Variants in GRIK2 observed in about 807,000 individuals in gnomAD.
GRIK2 encodes glutamate receptor ionotropic, kainate 2.
Under a neutral mutation model 100.3 loss-of-function variants are expected in GRIK2, and 32 were observed. The observed-to-expected ratio is 0.32, with a 90% CI of 0.24 to 0.43. GRIK2 has a LOEUF of 0.43. Ranked by LOEUF, GRIK2 falls within the 20% of genes least tolerant of loss-of-function variation. The pLI, the probability that GRIK2 is intolerant of heterozygous loss-of-function variation, is 1.00. For synonymous variants in GRIK2, 417 were observed against 389.4 expected (o/e 1.07, Z -0.83); for missense variants, 843 against 1,114.9 (o/e 0.76, Z 3.47).
At chr6:101,512,794 T>C (rs1180685324) in intron 2 of GRIK2, among the ~76,000 whole-genome samples, 1 of 152,098 alleles carries the variant, frequency 6.6e-6, no homozygotes, top group Admixed American at 6.6e-5. Flanking sequence ...AGAATCATTA[T>C]ATTTTAAATG....
In GRIK2 at chr6:101,910,435, G is replaced by C. The variant is rs549507542; in HGVS notation, c.1749-14166G>C. 2.6e-5 allele frequency among the ~76,000 whole-genome samples: 4 copies of C among 151,104 alleles called. No individual in the cohort carries two copies. In the South Asian group the frequency reaches 8.3e-4, roughly 31 times the overall value. ...GCTTTGGCCATAAGTAATAACATAA[G>C]AAAAAATATATTCTTCCATTCTTAA... On this transcript the variant is annotated intron_variant, in intron 12 of 16. Coordinates refer to ENST00000369134, the MANE Select transcript of GRIK2 (RefSeq NM_021956.5).
At chr6:101,601,653 G>T (rs1293584703) in intron 2 of GRIK2, among the ~76,000 whole-genome samples, 2 of 151,870 alleles carry the variant, frequency 1.3e-5, no homozygotes, top group African/African-American at 4.8e-5. Flanking sequence ...TCCTGATTCA[G>T]TCTTGGGAGG....
Position 101,690,375 on chromosome 6 carries a change from C to T in GRIK2, c.951+4022C>T, listed in dbSNP as rs187410587. On this transcript the variant is annotated intron_variant, in intron 7 of 16. Coordinates refer to ENST00000369134, the MANE Select transcript of GRIK2 (RefSeq NM_021956.5). ...AGAAGTTTAAACCCTGGACACCAAC[C>T]GCTATCTCCATTTCCTTTCACCTCA... 1.3e-3 allele frequency among the ~76,000 whole-genome samples: 201 copies of T among 152,136 alleles called. 1 individual carries two copies. Among genetic ancestry groups the T allele is most frequent in the African/African-American group, 4.6e-3 (193 of 41,526 alleles).
intron 7 of GRIK2, among the ~76,000 whole-genome samples, chr6:101,714,174 G>A (rs17062381): frequency 0.074 from 11,246 of 151,662 alleles, 1,359 homozygotes; most frequent in African/African-American, 0.26. Flanking sequence ...GATCAAGCAC[G>A]TTAGCATTTG....
chr6:101,395,691 A>ATTG (rs141279783), intron 1 of GRIK2, among the ~76,000 whole-genome samples: 5,163 of 152,212 alleles, frequency 0.034, 88 homozygotes, highest in Non-Finnish European at 0.045. Context: ...TTTTTTTGTT[A>ATTG]TTGTTGGAAG....
intron 14 of GRIK2, among the ~76,000 whole-genome samples, chr6:101,941,931 C>G (rs1790979414): frequency 6.6e-6 from 1 of 151,938 alleles, no homozygotes; most frequent in African/African-American, 2.4e-5. Flanking sequence ...CCTCAAATGA[C>G]TCCCAGATTT....
chr6:101,523,720 C>CTTTTTTTTTTTTTTTT (rs1163558120), intron 2 of GRIK2, among the ~76,000 whole-genome samples: 33 of 121,526 alleles, frequency 2.7e-4, no homozygotes, highest in African/African-American at 3.6e-4. Flanking sequence ...ACTCCTAAGT[C>CTTTTTTTTTTTTTTTT]TTTTTTTTTT....
At chr6:102,009,662 C>A (rs970838625) in intron 14 of GRIK2, among the ~76,000 whole-genome samples, 4 of 152,138 alleles carry the variant, frequency 2.6e-5, no homozygotes, top group African/African-American at 9.6e-5. Context: ...GTTTCCTTAT[C>A]AAACTAATGA....
At chr6:101,443,785 A>G (rs916976482) in intron 2 of GRIK2, among the ~76,000 whole-genome samples, 6 of 151,998 alleles carry the variant, frequency 3.9e-5, no homozygotes. Context: ...ACCGGAAAAC[A>G]TTTGCCCTAT....
At position 101,399,259 on chromosome 6, in the gene GRIK2, G is replaced by C. The variant is rs745318930; in HGVS notation, c.-19G>C. 1.7e-6 allele frequency: 2 copies of C among 1,193,106 alleles called. No homozygotes were observed. Among genetic ancestry groups the C allele is most frequent in the Non-Finnish European group, 2.5e-6 (2 of 795,152 alleles). 73.9% of individuals were successfully genotyped at this position (1,193,106 alleles called of 1,614,324 possible). On this transcript the variant is annotated 5_prime_UTR_variant, in exon 2 of 17. Transcript: ENST00000369134. ...TAGATCGGGGAAGTGGGTGCCGTGC[G>C]TGTGGGCACAGAAACACCATGAAGA...
At chr6:101,774,853 A>AGG (rs1427528462) in intron 7 of GRIK2, among the ~76,000 whole-genome samples, 1 of 139,948 alleles carries the variant, frequency 7.1e-6, no homozygotes, top group Admixed American at 7.0e-5. Context: ...GTACATTTAA[A>AGG]AGATATATAT....
At position 102,036,260 on chromosome 6, in the gene GRIK2, C is replaced by CAT. The variant is rs749145990; in HGVS notation, c.2311+704_2311+705dup. ...ACACACACACACACACACACACACA[C>CAT]ATATATATATAAAACATTACAGTAC... On this transcript the variant is annotated intron_variant, in intron 15 of 16. Transcript: ENST00000369134. Among the ~76,000 whole-genome samples, 610 of 149,508 alleles carry CAT rather than the reference C, an allele frequency of 4.1e-3. 7 individuals carry two copies. The highest frequency in any genetic ancestry group is 4.8e-3 in the Non-Finnish European group (322 of 67,080).
chr6:102,044,028 A>G (rs1338601798), intron 15 of GRIK2, among the ~76,000 whole-genome samples: 1 of 152,018 alleles, frequency 6.6e-6, no homozygotes, highest in Non-Finnish European at 1.5e-5. Context: ...AGTCTCAGGT[A>G]TATCTTTATC....
intron 2 of GRIK2, among the ~76,000 whole-genome samples, chr6:101,480,529 G>A (rs1200600978): frequency 6.6e-6 from 1 of 151,750 alleles, no homozygotes; most frequent in Non-Finnish European, 1.5e-5. Context: ...CTGTTGCTTT[G>A]TTGCTTTGGC....
At chr6:101,902,165 T>C (rs1787893005) in intron 12 of GRIK2, among the ~76,000 whole-genome samples, 1 of 151,958 alleles carries the variant, frequency 6.6e-6, no homozygotes, top group Admixed American at 6.6e-5. Flanking sequence ...AATATCAAAC[T>C]ACCAATGGGA....
At chr6:101,709,932 G>T (rs75664263) in intron 7 of GRIK2, among the ~76,000 whole-genome samples, 1 of 151,700 alleles carries the variant, frequency 6.6e-6, no homozygotes, top group African/African-American at 2.4e-5. Flanking sequence ...TCTCATAGGG[G>T]TTTGCCGTGC....
chr6:101,788,326 A>G (rs1405174644), intron 7 of GRIK2, among the ~76,000 whole-genome samples: 2 of 151,972 alleles, frequency 1.3e-5, no homozygotes, highest in Non-Finnish European at 2.9e-5. Flanking sequence ...GTCATTTAGC[A>G]TTAGGTATAT....
intron 2 of GRIK2, among the ~76,000 whole-genome samples, chr6:101,599,272 A>G (rs776294680): frequency 7.9e-5 from 12 of 151,946 alleles, no homozygotes; most frequent in Non-Finnish European, 1.2e-4. Context: ...ATGGCTACAG[A>G]TTATTCCATG....
chr6:101,586,625 T>C (rs1238565103), intron 2 of GRIK2, among the ~76,000 whole-genome samples: 4 of 151,780 alleles, frequency 2.6e-5, no homozygotes, highest in African/African-American at 4.8e-5. Flanking sequence ...ATCCAGCACT[T>C]TGAGGGGCTG....
Sources: allele counts gnomAD v4.1 joint callset (sites outside exome capture counted in the v4.1 genomes callset), GRCh38; gene constraint gnomAD v4.1.1; transcripts MANE v1.5; gene names NCBI Gene and HGNC (gene_info 2026-07-23, HGNC 2026-07-21).